Variants in PCCA observed in about 807,000 individuals in gnomAD.
PCCA encodes propionyl-CoA carboxylase subunit alpha, also known as propionyl-CoA carboxylase alpha chain, mitochondrial.
In PCCA, 74 loss-of-function variants were observed where a neutral mutation model predicts 101.3. The ratio of observed to expected loss-of-function variants is 0.73; its 90% confidence interval spans 0.61 to 0.89. The LOEUF (loss-of-function observed/expected upper bound fraction) is 0.89. Ranked by LOEUF, PCCA falls within the 40% of genes least tolerant of loss-of-function variation. The pLI is 0.00. For missense variants in PCCA, 891 were observed against 907.0 expected (o/e 0.98, Z 0.23); for synonymous variants, 294 against 313.6 (o/e 0.94, Z 0.66).
chr13:100,287,463 C>CT (rs2064768444), intron 12 of PCCA, among the ~76,000 whole-genome samples: 1 of 151,854 alleles, frequency 6.6e-6, no homozygotes. Context: ...TGACATGGAA[C>CT]TAAAATATGT....
intron 22 of PCCA, among the ~76,000 whole-genome samples, chr13:100,519,813 T>A (rs1320348888): frequency 6.6e-6 from 1 of 152,256 alleles, no homozygotes; most frequent in African/African-American, 2.4e-5. Flanking sequence ...GGCTGGGCCC[T>A]CCCGACGGGT....
chr13:100,235,940 A>G lies in PCCA; in HGVS notation c.637+62A>G, dbSNP rs375203602. On this transcript the variant is annotated intron_variant, in intron 8 of 23. Coordinates refer to ENST00000376285, the MANE Select transcript of PCCA (RefSeq NM_000282.4). ...TCTTTCAGCAGATACGGTTGAGTCAACAGGTAATAAGTAATTCCCATAGAG... is the reference window on the plus strand; with the variant it reads ...TCTTTCAGCAGATACGGTTGAGTCAGCAGGTAATAAGTAATTCCCATAGAG... 2.5e-3 allele frequency: 2,492 copies of G among 997,582 alleles called. 70 individuals carry two copies. The South Asian group carries it at 0.03, about 12-fold the overall frequency. The allele number at this position is 997,582 out of a possible 1,614,324, so 61.8% of individuals were successfully genotyped here.
At chr13:100,303,130 T>G (rs2066192474) in intron 14 of PCCA, 132 bp downstream of exon 14, 3 of 738,602 alleles carry the variant, frequency 4.1e-6, no homozygotes, top group Non-Finnish European at 7.5e-6. Context: ...TCATGGTTTT[T>G]GTGTTGAAAA....
intron 15 of PCCA, 42 bp from the exon 16 acceptor site, chr13:100,309,791 A>AT: frequency 8.4e-7 from 1 of 1,186,050 alleles, no homozygotes; most frequent in Non-Finnish European, 1.2e-6. Flanking sequence ...ACATAGTTCT[A>AT]AATATATATA....
At position 100,250,240 on chromosome 13, in the gene PCCA, CTCTT is replaced by C. The variant is rs1231957929; in HGVS notation, c.638-7353_638-7350del. On this transcript the variant is annotated intron_variant, in intron 8 of 23. Transcript: ENST00000376285. ...ATTCTTTATCAAGTACAAGAAATTTCTCTTTATTCCTAGTTTGCTAAACTCAGTG... is the reference window on the plus strand; with the variant it reads ...ATTCTTTATCAAGTACAAGAAATTTCTATTCCTAGTTTGCTAAACTCAGTG... Among the ~76,000 whole-genome samples the C allele has an allele frequency of 3.9e-5, 6 of 152,174 alleles. No individual in the cohort carries two copies. The East Asian group carries it at 1.2e-3, about 29-fold the overall frequency.
chr13:100,216,742 G>A (rs990274260), intron 7 of PCCA, among the ~76,000 whole-genome samples: 7 of 152,162 alleles, frequency 4.6e-5, no homozygotes, highest in Non-Finnish European at 1.5e-5. Flanking sequence ...TTCAGATATT[G>A]GAATTGGCTG....
intron 21 of PCCA, among the ~76,000 whole-genome samples, chr13:100,483,398 C>A (rs1281143367): frequency 6.6e-6 from 1 of 152,260 alleles, no homozygotes; most frequent in East Asian, 1.9e-4. Context: ...TCAGCACACA[C>A]TTAGCCGGAG....
chr13:100,212,265 C>T (rs1297543628), intron 7 of PCCA, among the ~76,000 whole-genome samples: 1 of 152,198 alleles, frequency 6.6e-6, no homozygotes, highest in Admixed American at 6.5e-5. Flanking sequence ...CAACCATGTT[C>T]ATCCCTTTAC....
At chr13:100,251,780 C>T (rs766714462) in intron 8 of PCCA, among the ~76,000 whole-genome samples, 13 of 152,124 alleles carry the variant, frequency 8.5e-5, no homozygotes, top group South Asian at 4.1e-4. Context: ...ACTTTTGATG[C>T]GATGGAAGAA....
chr13:100,148,330 G>A (rs564435691), intron 4 of PCCA, among the ~76,000 whole-genome samples: 1 of 152,084 alleles, frequency 6.6e-6, no homozygotes, highest in African/African-American at 2.4e-5. Context: ...GCTAATGAAG[G>A]AAAACAAACC....
At chr13:100,372,802 C>T (rs890758092) in intron 19 of PCCA, among the ~76,000 whole-genome samples, 5 of 152,188 alleles carry the variant, frequency 3.3e-5, no homozygotes, top group African/African-American at 1.2e-4. Context: ...TGCAGTGGCA[C>T]AATCTTGGCT....
intron 22 of PCCA, among the ~76,000 whole-genome samples, chr13:100,518,241 C>T (rs1412947432): frequency 1.3e-5 from 2 of 152,124 alleles, no homozygotes; most frequent in Non-Finnish European, 2.9e-5. Flanking sequence ...CTTGACCAAT[C>T]GTAGAATGGT....
chr13:100,489,316 AAAAG>A (rs2084698790), intron 21 of PCCA, among the ~76,000 whole-genome samples: 2 of 152,250 alleles, frequency 1.3e-5, no homozygotes, highest in African/African-American at 4.8e-5. Context: ...TCAAAAAAAA[AAAAG>A]TTTTATCGGA....
At position 100,268,800 on chromosome 13, in the gene PCCA, A is replaced by T. The variant is rs2063113074; in HGVS notation, c.914+17A>T. 1 of 1,562,014 alleles carries T rather than the reference A, an allele frequency of 6.4e-7. No individual in the cohort carries two copies. The highest frequency in any genetic ancestry group is 1.7e-5 in the Admixed American group (1 of 59,938). On this transcript the variant is annotated intron_variant, in intron 11 of 23. Coordinates refer to ENST00000376285, the MANE Select transcript of PCCA (RefSeq NM_000282.4). ...AGCACCAAGGTAAGTCTCCTAAGAA[A>T]CATTTATAAAGCGGCTGCTTTTATG...
At chr13:100,348,928 T>C (rs1185084560) in intron 18 of PCCA, among the ~76,000 whole-genome samples, 6 of 94,622 alleles carry the variant, frequency 6.3e-5, no homozygotes, top group East Asian at 2.6e-4. Flanking sequence ...TCTTTTCTTT[T>C]CTTTTCTTTC....
At position 100,394,543 on chromosome 13, in the gene PCCA, A is replaced by G. The variant is rs978347683; in HGVS notation, c.1746+25969A>G. Among the ~76,000 whole-genome samples, 3 of 152,148 alleles carry G rather than the reference A, an allele frequency of 2.0e-5. No homozygotes were observed. The highest frequency in any genetic ancestry group is 4.8e-5 in the African/African-American group (2 of 41,424). On this transcript the variant is annotated intron_variant, in intron 19 of 23. Coordinates refer to ENST00000376285, the MANE Select transcript of PCCA (RefSeq NM_000282.4). The surrounding 1 kb of genome is among the most constrained non-coding windows in gnomAD (Gnocchi z 4.3). ...TTGAGTAATTCCCTAAACCCAAAAT[A>G]TAAGATAGAAACCAGTAACTGAATC...
At chr13:100,305,409 C>T (rs895265273) in intron 14 of PCCA, among the ~76,000 whole-genome samples, 3 of 152,062 alleles carry the variant, frequency 2.0e-5, no homozygotes, top group Non-Finnish European at 4.4e-5. Flanking sequence ...TCTTTATTGT[C>T]TATGTTATTT....
chr13:100,425,785 C>T, intron 20 of PCCA, 54 bp downstream of exon 20: 1 of 1,135,110 alleles, frequency 8.8e-7, no homozygotes, highest in Non-Finnish European at 1.3e-6. Flanking sequence ...GAATCCTTGT[C>T]AGCACCTGTG....
intron 4 of PCCA, chr13:100,150,927 G>A: frequency 1.3e-6 from 2 of 1,537,134 alleles, no homozygotes; most frequent in South Asian, 1.1e-5. Context: ...ACGTAACCTT[G>A]CTTGGCCTCG....
Sources: gnomAD v4.1 joint callset for allele counts (sites outside exome capture counted in the v4.1 genomes callset) on GRCh38, gnomAD v4.1.1 for gene constraint, Gnocchi (gnomAD v3.1) non-coding constraint, MANE v1.5 for transcripts, NCBI Gene and HGNC (gene_info 2026-07-23, HGNC 2026-07-21) for gene names.